Variants in NRG1 observed in about 807,000 individuals in gnomAD.
NRG1 encodes pro-neuregulin-1, membrane-bound isoform.
Under a neutral mutation model 63.8 loss-of-function variants are expected in NRG1, and 18 were observed. The observed-to-expected ratio is 0.28, with a 90% CI of 0.19 to 0.42. The LOEUF (loss-of-function observed/expected upper bound fraction) is 0.42. Among genes scored for constraint, NRG1 ranks in the 10% least tolerant of loss-of-function variants. The pLI is 1.00. For synonymous variants in NRG1, 302 were observed against 301.3 expected, an observed-to-expected ratio of 1.00 and a Z score of -0.02; for missense variants, 762 against 814.7, an observed-to-expected ratio of 0.94 and a Z score of 0.79.
At position 31,665,248 on chromosome 8, in the gene NRG1, T is replaced by C. The variant is rs560711409; in HGVS notation, c.37+25817T>C. On this transcript the variant is annotated intron_variant, in intron 1 of 10. Coordinates refer to the NRG1 transcript ENST00000519301. Reference sequence around the variant, plus strand: ...TATATGACCCAAACTTCCTTAACCATTGACAGGACAAGTTATAGCTGAATT... The same window carrying C: ...TATATGACCCAAACTTCCTTAACCACTGACAGGACAAGTTATAGCTGAATT... Among the ~76,000 whole-genome samples the C allele has an allele frequency of 7.2e-5, 11 of 152,320 alleles. 1 individual carries two copies. The highest frequency in any genetic ancestry group is 2.6e-4 in the African/African-American group (11 of 41,578).
intron 1 of NRG1, among the ~76,000 whole-genome samples, chr8:32,115,877 G>C (rs1374368970): frequency 6.6e-6 from 1 of 152,092 alleles, no homozygotes; most frequent in Non-Finnish European, 1.5e-5. Flanking sequence ...CAATGCTCTT[G>C]ACCTCTACCC....
intron 1 of NRG1, among the ~76,000 whole-genome samples, chr8:32,301,263 G>A (rs367555715): frequency 6.6e-6 from 1 of 152,136 alleles, no homozygotes; most frequent in Non-Finnish European, 1.5e-5. Flanking sequence ...ATAGACCCCT[G>A]AAGATACTTC....
intron 1 of NRG1, among the ~76,000 whole-genome samples, chr8:32,307,382 A>G (rs1856307512): frequency 6.6e-6 from 1 of 151,782 alleles, no homozygotes; most frequent in African/African-American, 2.4e-5. Context: ...CAAGTTAGTC[A>G]GCAAAGAGAA....
At chr8:32,515,232 A>C (rs1301066745) in intron 1 of NRG1, among the ~76,000 whole-genome samples, 1 of 152,162 alleles carries the variant, frequency 6.6e-6, no homozygotes, top group Non-Finnish European at 1.5e-5. Flanking sequence ...GATTCCCCTC[A>C]ACAGTGTATA....
At chr8:32,712,642 T>C (rs1191167190) in intron 5 of NRG1, among the ~76,000 whole-genome samples, 1 of 152,192 alleles carries the variant, frequency 6.6e-6, no homozygotes, top group East Asian at 1.9e-4. Context: ...ATTTTTACCT[T>C]ATTAAGTCAT....
At chr8:32,439,670 G>T (rs1819263713) in intron 1 of NRG1, among the ~76,000 whole-genome samples, 1 of 151,520 alleles carries the variant, frequency 6.6e-6, no homozygotes, top group African/African-American at 2.4e-5. Context: ...ATAAGAAACT[G>T]CTTATAATAT....
At chr8:32,772,041 GTATATATA>G (rs1157977487), downstream of NRG1, among the ~76,000 whole-genome samples, 15 of 10,548 alleles carry the variant, frequency 1.4e-3, no homozygotes, top group African/African-American at 2.5e-3. Context: ...AAAAAAATAT[GTATATATA>G]TATATATATA....
chr8:32,403,147 A>T (rs560783995), intron 1 of NRG1, among the ~76,000 whole-genome samples: 12 of 151,938 alleles, frequency 7.9e-5, no homozygotes, highest in Non-Finnish European at 1.5e-4. Flanking sequence ...AAAAATATAA[A>T]AATTAGCCAG....
intron 1 of NRG1, among the ~76,000 whole-genome samples, chr8:32,525,450 T>G (rs1389993943): frequency 1.3e-5 from 2 of 151,392 alleles, no homozygotes; most frequent in Admixed American, 6.6e-5. Flanking sequence ...TCTACTTGCC[T>G]GCTTTCTGGG....
At chr8:31,958,911 A>G (rs766908460) in intron 1 of NRG1, among the ~76,000 whole-genome samples, 18 of 152,170 alleles carry the variant, frequency 1.2e-4, no homozygotes, top group Non-Finnish European at 2.4e-4. Context: ...GTTCCCTGCA[A>G]TTAAAAACGT....
At chr8:31,911,874 T>G (rs903864418) in intron 1 of NRG1, among the ~76,000 whole-genome samples, 3 of 152,216 alleles carry the variant, frequency 2.0e-5, no homozygotes, top group South Asian at 2.1e-4. Flanking sequence ...TAGAGTTCAG[T>G]AATGGATCTG....
chr8:31,709,811 A>G (rs1811558733), intron 1 of NRG1, among the ~76,000 whole-genome samples: 1 of 151,314 alleles, frequency 6.6e-6, no homozygotes. Flanking sequence ...TCTTATTTTC[A>G]TGTTTGTAGT....
chr8:32,290,929 A>G (rs190374510), intron 1 of NRG1, among the ~76,000 whole-genome samples: 1 of 148,436 alleles, frequency 6.7e-6, no homozygotes, highest in Admixed American at 6.8e-5. Flanking sequence ...GTGTGTGTGC[A>G]TGCATTTGTG....
intron 1 of NRG1, among the ~76,000 whole-genome samples, chr8:32,255,765 G>T (rs1849629632): frequency 6.6e-6 from 1 of 152,156 alleles, no homozygotes; most frequent in African/African-American, 2.4e-5. Flanking sequence ...CTCTTGCCAG[G>T]TTGGGGAAGT....
At chr8:32,246,520 G>A (rs892934542) in intron 1 of NRG1, among the ~76,000 whole-genome samples, 7 of 152,158 alleles carry the variant, frequency 4.6e-5, no homozygotes, top group Non-Finnish European at 1.0e-4. Context: ...TTTGCCATGG[G>A]GCTCTGAGAT....
chr8:32,301,973 G>C (rs900199073), intron 1 of NRG1, among the ~76,000 whole-genome samples: 2 of 152,154 alleles, frequency 1.3e-5, no homozygotes, highest in East Asian at 3.9e-4. Context: ...TGCTGACTGG[G>C]GGGAGTGAAT....
At chr8:32,680,672 C>T (rs1808366441) in intron 5 of NRG1, among the ~76,000 whole-genome samples, 1 of 152,088 alleles carries the variant, frequency 6.6e-6, no homozygotes. Context: ...GATATCCTTA[C>T]CCTACCCAGA....
intron 5 of NRG1, among the ~76,000 whole-genome samples, chr8:32,708,221 C>T (rs997609846): frequency 1.3e-5 from 2 of 151,984 alleles, no homozygotes; most frequent in Non-Finnish European, 2.9e-5. Flanking sequence ...TTGAAAAAGA[C>T]CTCTGAAACA....
intron 1 of NRG1, among the ~76,000 whole-genome samples, chr8:31,717,015 C>T (rs1057049949): frequency 1.3e-5 from 2 of 152,166 alleles, no homozygotes; most frequent in African/African-American, 4.8e-5. Flanking sequence ...AAAGTCACAA[C>T]CAACTTTTTC....
Sources: allele counts gnomAD v4.1 joint callset (sites outside exome capture counted in the v4.1 genomes callset), GRCh38; gene constraint gnomAD v4.1.1; transcripts MANE v1.5; gene names NCBI Gene and HGNC (gene_info 2026-07-23, HGNC 2026-07-21).